Variants in NRAP observed in about 807,000 individuals in gnomAD.
The protein encoded by NRAP is nebulin related anchoring protein, also known as nebulin-related-anchoring protein.
NRAP carries 189 observed loss-of-function variants against 225.9 expected under a neutral mutation model. That is an observed-to-expected ratio of 0.84 (90% confidence interval 0.74 to 0.94). The LOEUF (loss-of-function observed/expected upper bound fraction) is 0.94, where lower values mean the gene tolerates loss of function less well. Among genes scored for constraint, NRAP ranks in the 40% least tolerant of loss-of-function variants. The pLI is 0.00. For synonymous variants in NRAP, 769 were observed against 790.7 expected (o/e 0.97, Z 0.46); for missense variants, 2,176 against 2,168.7 (o/e 1.00, Z -0.07).
chr10:113,593,593 G>A (rs945272310), intron 38 of NRAP, among the ~76,000 whole-genome samples: 2 of 152,194 alleles, frequency 1.3e-5, no homozygotes, highest in African/African-American at 4.8e-5. Flanking sequence ...GAATCACAGA[G>A]CCAAAATGAT....
At chr10:113,625,086 A>G (rs1001407633) in intron 21 of NRAP, among the ~76,000 whole-genome samples, 156 bp from the exon 22 acceptor site, 11 of 152,186 alleles carry the variant, frequency 7.2e-5, no homozygotes, top group Non-Finnish European at 5.9e-5. Flanking sequence ...GGCAGGATAC[A>G]GTCAAGGAGA....
chr10:113,597,637 G>A (rs1846358645), intron 36 of NRAP, among the ~76,000 whole-genome samples: 1 of 152,202 alleles, frequency 6.6e-6, no homozygotes, highest in African/African-American at 2.4e-5. Context: ...TCAGAAATCA[G>A]AAAACCTCTG....
chr10:113,590,725 G>A lies in NRAP; in HGVS notation c.4809C>T (p.Ser1603=), dbSNP rs1459534837. 7.4e-6 allele frequency: 12 copies of A among 1,614,114 alleles called. No homozygotes were observed. The highest frequency in any genetic ancestry group is 1.0e-5 in the Non-Finnish European group (12 of 1,180,050). Residue 1603 remains serine (S), a synonymous_variant, in exon 40 of 42, where the codon AGC becomes AGT. Transcript: ENST00000359988. The part of the protein sequence containing the change: ...FAKSRSQFHS[S]TDQPGLLQAK... ...CCTGAAGGAGGCCGGGCTGGTCTGT[G>A]CTGCTGTGAAACTGGGACCGACTCT...
At chr10:113,621,744 G>A (rs1848000160) in intron 24 of NRAP, 125 bp downstream of exon 24, 1 of 841,722 alleles carries the variant, frequency 1.2e-6, no homozygotes, top group Non-Finnish European at 1.9e-6. Context: ...TTGCCACTTA[G>A]GGATCCAGAA....
chr10:113,638,015 A>G lies in NRAP; in HGVS notation c.1428+2212T>C, dbSNP rs376239180. ...TGAGTTTTGGACATGGGGTGTGTAG[A>G]GAAAATTAGGAAATATAAAGTCATT... On this transcript the variant is annotated intron_variant, in intron 14 of 41. Coordinates refer to ENST00000359988, the MANE Select transcript of NRAP (RefSeq NM_198060.4). Among the ~76,000 whole-genome samples the G allele has an allele frequency of 1.2e-3, 184 of 152,328 alleles. 7 individuals are homozygous for G. In the South Asian group the frequency reaches 0.037, roughly 31 times the overall value.
intron 37 of NRAP, 123 bp from the exon 38 acceptor site, chr10:113,595,850 G>C: frequency 1.7e-6 from 1 of 602,972 alleles, no homozygotes. Flanking sequence ...ACAGAACCCA[G>C]TCCTGCCCAT....
Position 113,650,069 on chromosome 10 carries a change from A to G in NRAP, c.856T>C (p.Leu286=). 6.2e-7 allele frequency: 1 copy of G among 1,610,430 alleles called. No individual in the cohort carries two copies. The highest frequency in any genetic ancestry group is 8.5e-7 in the Non-Finnish European group (1 of 1,176,650). The change falls in exon 9 of 42, where the codon TTG becomes CTG. Residue 286 remains leucine, a synonymous_variant. Transcript: ENST00000359988. ...TATTGGTCTGCACATTCCCTTGTCA[A>G]GATGCCCTCAGCTCCAATGGCTGGA... ...AGPAIGAEGI[L]TRECADQYGQ...
chr10:113,655,825 A>G (rs566372303), intron 4 of NRAP, among the ~76,000 whole-genome samples: 106 of 152,304 alleles, frequency 7.0e-4, no homozygotes, highest in Non-Finnish European at 1.1e-3. Context: ...ATGTAGAAAT[A>G]TTTCCAAGAT....
intron 20 of NRAP, among the ~76,000 whole-genome samples, chr10:113,628,388 C>T (rs1848399791): frequency 6.6e-6 from 1 of 152,088 alleles, no homozygotes; most frequent in African/African-American, 2.4e-5. Flanking sequence ...CGGGGTTTCA[C>T]CGTGTTAGCC....
rs1426926590 is a variant in NRAP, at chr10:113,606,185, A to C, written c.3800T>G (p.Leu1267Arg). ...FIRAKTNAAN[L>R]SDARYKESWR... ...AGTAACAAAAGGGCTTACGTCACTC[A>C]GGTTGGCTGCATTCGTTTTTGCTCG... is the stretch of plus-strand genomic sequence containing the variant. Residue 1267 changes from leucine (L) to arginine (R), a missense_variant, in exon 33 of 42, where the codon CTG becomes CGG. Transcript: ENST00000359988. 2 of 1,612,158 alleles carry C rather than the reference A, an allele frequency of 1.2e-6. No homozygotes were observed. The highest frequency in any genetic ancestry group is 2.2e-5 in the South Asian group (2 of 91,042).
chr10:113,598,031 A>G lies in NRAP; in HGVS notation c.4270T>C (p.Trp1424Arg), dbSNP rs1288545179. The G allele has an allele frequency of 6.2e-7, 1 of 1,613,766 alleles. No homozygotes were observed. The highest frequency in any genetic ancestry group is 8.5e-7 in the Non-Finnish European group (1 of 1,179,974). Residue 1424 changes from tryptophan to arginine, a missense_variant, in exon 36 of 42, where the codon TGG (tryptophan) becomes CGG (arginine). Physicochemically the swap from Trp to Arg is moderately radical, Grantham distance 101. Coordinates refer to ENST00000359988, the MANE Select transcript of NRAP (RefSeq NM_198060.4). ...ATCTGTGGGGATCTCAGCGCCAGCC[A>G]TCCTATGCCCTTCATGCCGATCAGG... ...SDLIGMKGIG[W>R]LALRSPQMES...
At chr10:113,640,768 T>A (rs531132221) in intron 13 of NRAP, among the ~76,000 whole-genome samples, 1 of 152,328 alleles carries the variant, frequency 6.6e-6, no homozygotes, top group African/African-American at 2.4e-5. Context: ...GAAATCAGTT[T>A]CCTTTAAGTG....
chr10:113,654,243 G>A, intron 4 of NRAP, 118 bp from the exon 5 acceptor site: 1 of 623,164 alleles, frequency 1.6e-6, no homozygotes, highest in South Asian at 2.4e-5. Context: ...GTAAATCCTG[G>A]GTCTCAGCTA....
At chr10:113,639,629 T>C (rs1426108314) in intron 14 of NRAP, among the ~76,000 whole-genome samples, 1 of 152,238 alleles carries the variant, frequency 6.6e-6, no homozygotes, top group Non-Finnish European at 1.5e-5. Flanking sequence ...CTTTTCCGTA[T>C]TTTCTAAATT....
At chr10:113,612,471 C>T (rs1236617572) in intron 29 of NRAP, 40 bp from the exon 30 acceptor site, 1 of 1,556,016 alleles carries the variant, frequency 6.4e-7, no homozygotes, top group Non-Finnish European at 8.9e-7. Context: ...ATTTCAAAGC[C>T]ACTATTTGCA....
At chr10:113,630,787 C>T (rs1157079517) in intron 18 of NRAP, among the ~76,000 whole-genome samples, 1 of 152,200 alleles carries the variant, frequency 6.6e-6, no homozygotes, top group Non-Finnish European at 1.5e-5. Flanking sequence ...CTTTTGTATT[C>T]AAGCTATGGC....
In NRAP at chr10:113,651,686, A is replaced by T; in HGVS notation, c.675+117T>A. The T allele has an allele frequency of 4.7e-6, 3 of 633,608 alleles. No individual in the cohort carries two copies. In the South Asian group the frequency reaches 5.6e-5, roughly 12 times the overall value. The allele number at this position is 633,608 out of a possible 1,614,324, so 39.2% of individuals were successfully genotyped here. ...GGACATGATCTTGTTCCTTTTTATC[A>T]TTCTATTATAAAGATACATGCACGT... On this transcript the variant is annotated intron_variant, in intron 7 of 41. Transcript: ENST00000359988.
At position 113,604,684 on chromosome 10, in the gene NRAP, C is replaced by T; in HGVS notation, c.4152G>A (p.Gln1384=). The change falls in exon 35 of 42, where the codon CAG becomes CAA. Residue 1384 remains glutamine, a synonymous_variant. Transcript: ENST00000359988. Reference sequence around the variant, plus strand: ...CGGGCAGTGCTGTGAACTTGTGATACTGTGTCCTGTAGTCGTGGTCGCTGG... The same window carrying T: ...CGGGCAGTGCTGTGAACTTGTGATATTGTGTCCTGTAGTCGTGGTCGCTGG... ...ALASDHDYRT[Q]YHKFTALPED... is the part of the protein sequence containing the mutation. 1 of 1,614,214 alleles carries T rather than the reference C, an allele frequency of 6.2e-7. No individual in the cohort carries two copies. The highest frequency in any genetic ancestry group is 8.5e-7 in the Non-Finnish European group (1 of 1,180,046).
In NRAP at chr10:113,651,890, C is replaced by T. The variant is rs778541762; in HGVS notation, c.588G>A (p.Gly196=). The T allele has an allele frequency of 1.2e-5, 20 of 1,611,694 alleles. No individual in the cohort carries two copies. The highest frequency in any genetic ancestry group is 1.7e-5 in the Non-Finnish European group (20 of 1,178,024). The change falls in exon 7 of 42, where the codon GGG becomes GGA. Residue 196 remains glycine, a synonymous_variant. Transcript: ENST00000359988. ...AGAACCTGGAGATGCGTTCATCATG[C>T]CCTCTCTTATACTCCACCTGATGAG... is the stretch of plus-strand genomic sequence containing the variant. ...QLASQVEYKR[G]HDERISRFST...
Sources: gnomAD v4.1 joint callset for allele counts (sites outside exome capture counted in the v4.1 genomes callset) on GRCh38, gnomAD v4.1.1 for gene constraint, MANE v1.5 for transcripts, NCBI Gene and HGNC (gene_info 2026-07-23, HGNC 2026-07-21) for gene names.